The following ABCB11 variants were observed in gnomAD, a reference collection of about 807,000 sequenced individuals.
ABCB11 encodes bile salt export pump.
Under a neutral mutation model 148.0 loss-of-function variants are expected in ABCB11, and 95 were observed. The observed-to-expected ratio is 0.64, with a 90% confidence interval of 0.54 to 0.76. ABCB11 has a LOEUF of 0.76. Ranked by LOEUF, ABCB11 falls within the 30% of genes least tolerant of loss-of-function variation. The pLI is 0.00. For missense variants in ABCB11, 1,523 were observed against 1,617.8 expected (o/e 0.94, Z 1.01); for synonymous variants, 591 against 555.4 (o/e 1.06, Z -0.90).
chr2:168,972,122 C>T (rs1693610709), intron 13 of ABCB11, 72 bp from the exon 14 acceptor site: 7 of 1,415,166 alleles, frequency 4.9e-6, no homozygotes, highest in South Asian at 1.2e-5. Flanking sequence ...TTATGTCATA[C>T]TTGACCAATG....
At chr2:168,941,219 C>A (rs1345789194) in intron 21 of ABCB11, among the ~76,000 whole-genome samples, 1 of 151,890 alleles carries the variant, frequency 6.6e-6, no homozygotes, top group Non-Finnish European at 1.5e-5. Flanking sequence ...AAATTGAAAA[C>A]CCTCTGGAAA....
At chr2:168,974,689 A>G (rs1693736413) in intron 12 of ABCB11, among the ~76,000 whole-genome samples, 1 of 152,006 alleles carries the variant, frequency 6.6e-6, no homozygotes, top group Non-Finnish European at 1.5e-5. Context: ...GAATAAATAC[A>G]TATAGGTTTA....
chr2:168,943,016 T>C (rs1692137253), intron 21 of ABCB11, among the ~76,000 whole-genome samples: 1 of 151,976 alleles, frequency 6.6e-6, no homozygotes, highest in Non-Finnish European at 1.5e-5. Flanking sequence ...TGACCTGGGC[T>C]AGCAATCTTA....
At chr2:168,993,654 T>C in intron 8 of ABCB11, 57 bp downstream of exon 8, 1 of 1,507,102 alleles carries the variant, frequency 6.6e-7, no homozygotes, top group South Asian at 1.2e-5. Flanking sequence ...TTCACATTTT[T>C]GGCTGTTTAT....
intron 19 of ABCB11, among the ~76,000 whole-genome samples, chr2:168,946,792 A>G (rs1692343283): frequency 6.6e-6 from 1 of 151,768 alleles, no homozygotes; most frequent in African/African-American, 2.4e-5. Flanking sequence ...ACTAGATAAG[A>G]AAATGCCTGT....
At chr2:168,986,878 A>C (rs1461553893) in intron 9 of ABCB11, among the ~76,000 whole-genome samples, 1 of 152,144 alleles carries the variant, frequency 6.6e-6, no homozygotes, top group Non-Finnish European at 1.5e-5. Flanking sequence ...AGCCATTAAC[A>C]ATGGGCTTTG....
At chr2:168,965,332 C>A (rs1406456000) in intron 17 of ABCB11, among the ~76,000 whole-genome samples, 1 of 151,718 alleles carries the variant, frequency 6.6e-6, no homozygotes, top group Non-Finnish European at 1.5e-5. Context: ...GAAGGAGGCC[C>A]CCATTCTCCT....
intron 21 of ABCB11, among the ~76,000 whole-genome samples, chr2:168,943,547 C>A (rs910674598): frequency 6.6e-6 from 1 of 151,910 alleles, no homozygotes; most frequent in Non-Finnish European, 1.5e-5. Context: ...AATATGTTCA[C>A]CTTAGATTAT....
intron 5 of ABCB11, among the ~76,000 whole-genome samples, chr2:169,003,351 T>TGC (rs1553471294): frequency 2.5e-4 from 36 of 145,640 alleles, no homozygotes; most frequent in African/African-American, 7.8e-4. Context: ...TGTGTGTGCA[T>TGC]ATATATATAT....
In ABCB11 at chr2:168,968,503, G is replaced by A; in HGVS notation, c.2012-13C>T. ...TCTTCAGTTGCATCTACTCAACACA[G>A]CATGAGCAATTTTTTAGTATATACA... On this transcript the variant is annotated splice_polypyrimidine_tract_variant and intron_variant, in intron 16 of 27. Transcript: ENST00000650372. 6.2e-7 allele frequency: 1 copy of A among 1,605,152 alleles called. No homozygotes were observed. The highest frequency in any genetic ancestry group is 8.5e-7 in the Non-Finnish European group (1 of 1,174,432).
At position 168,996,674 on chromosome 2, in the gene ABCB11, A is replaced by G. The variant is rs981747621; in HGVS notation, c.438T>C (p.Ala146=). The change falls in exon 6 of 28, where the codon GCT becomes GCC. Residue 146 remains alanine (A), a synonymous_variant. Transcript: ENST00000650372. The part of the protein sequence containing the change: ...SEMIKFASYY[A]GIAVAVLITG... The stretch of plus-strand genomic sequence containing the variant: ...TGATAAGTACTGCGACAGCAATTCC[A>G]GCATAGTAACTGGCAAATTTGATCA... 18 of 1,574,052 alleles carry G rather than the reference A, an allele frequency of 1.1e-5. No homozygotes were observed. Among genetic ancestry groups the G allele is most frequent in the Non-Finnish European group, 1.6e-5 (18 of 1,157,596 alleles).
At position 168,957,992 on chromosome 2, in the gene ABCB11, T is replaced by C. The variant is rs1234794803; in HGVS notation, c.2315A>G (p.Tyr772Cys). ...AAVNGTVTPL[Y>C]AFLFSQILGT... is the part of the protein sequence containing the mutation. ...AAGAATCTGGCTGAATAAAAAGGCA[T>C]ACAAGGGTGTGACTGTCCCGTTCAC... is the stretch of plus-strand genomic sequence containing the variant. The change falls in exon 19 of 28, where the codon TAT (tyrosine) becomes TGT (cysteine). Residue 772 changes from tyrosine to cysteine, a missense_variant. Tyr to Cys is a radical substitution (Grantham distance 194). Transcript: ENST00000650372. The C allele has an allele frequency of 6.2e-7, 1 of 1,600,426 alleles. No individual in the cohort carries two copies. Among genetic ancestry groups the C allele is most frequent in the Non-Finnish European group, 8.5e-7 (1 of 1,169,942 alleles).
rs140203208 is a variant in ABCB11, at chr2:168,991,433, T to C, written c.784-508A>G. Among the ~76,000 whole-genome samples, 355 of 152,268 alleles carry C rather than the reference T, an allele frequency of 2.3e-3. 2 individuals are homozygous for C. Among genetic ancestry groups the C allele is most frequent in the African/African-American group, 8.1e-3 (336 of 41,560 alleles). ...TCACTCAGTTGGAGACGCTCAACTA[T>C]GTAGTTTTGATTTTTACAAAAGGAA... On this transcript the variant is annotated intron_variant, in intron 8 of 27. Transcript: ENST00000650372.
rs565525851 is a variant in ABCB11, at chr2:168,934,360, C to T, written c.3056+824G>A. On this transcript the variant is annotated intron_variant, in intron 23 of 27. Coordinates refer to ENST00000650372, the MANE Select transcript of ABCB11 (RefSeq NM_003742.4). ...CTATAGGACCACTTTTCCTAATGCC[C>T]TCCAAACCTTTCTCAGACCATCTCC... Among the ~76,000 whole-genome samples the T allele has an allele frequency of 7.2e-5, 11 of 152,206 alleles. 1 individual carries two copies. Among genetic ancestry groups the T allele is most frequent in the African/African-American group, 2.6e-4 (11 of 41,534 alleles).
At chr2:168,918,885 T>C (rs1301313303), downstream of ABCB11, among the ~76,000 whole-genome samples, 1 of 152,234 alleles carries the variant, frequency 6.6e-6, no homozygotes, top group East Asian at 1.9e-4. Context: ...ATTGTTTTAA[T>C]TTTTGTAACT....
chr2:169,027,216 T>C lies in ABCB11; in HGVS notation c.-28+4009A>G, dbSNP rs190560748. On this transcript the variant is annotated intron_variant, in intron 1 of 27. Coordinates refer to ENST00000650372, the MANE Select transcript of ABCB11 (RefSeq NM_003742.4). Reference sequence around the variant, plus strand: ...ATTTTCAAGGCATTCCAGAAAAATGTATTTTCCAATAAACTTAAGGGAATC... The same window carrying C: ...ATTTTCAAGGCATTCCAGAAAAATGCATTTTCCAATAAACTTAAGGGAATC... Among the ~76,000 whole-genome samples, 149 of 152,314 alleles carry C rather than the reference T, an allele frequency of 9.8e-4. 1 individual carries two copies. Among genetic ancestry groups the C allele is most frequent in the Admixed American group, 9.7e-3 (148 of 15,298 alleles).
chr2:168,946,367 T>C (rs1692307943), intron 19 of ABCB11, among the ~76,000 whole-genome samples: 1 of 151,882 alleles, frequency 6.6e-6, no homozygotes, highest in African/African-American at 2.4e-5. Flanking sequence ...AAATCCTTTT[T>C]TTTGTAAAGC....
At chr2:168,916,731 C>T (rs1228929776), downstream of ABCB11, among the ~76,000 whole-genome samples, 1 of 152,164 alleles carries the variant, frequency 6.6e-6, no homozygotes, top group Admixed American at 6.5e-5. Context: ...GGACACAGTG[C>T]TCATTTTATG....
At chr2:168,919,024 G>T (rs894858850), downstream of ABCB11, among the ~76,000 whole-genome samples, 4 of 145,392 alleles carry the variant, frequency 2.8e-5, no homozygotes, top group African/African-American at 1.1e-4. Flanking sequence ...TGTTTTTATT[G>T]TAAAACATCT....
Sources: gnomAD v4.1 joint callset for allele counts (sites outside exome capture counted in the v4.1 genomes callset) on GRCh38, gnomAD v4.1.1 for gene constraint, MANE v1.5 for transcripts, NCBI Gene and HGNC (gene_info 2026-07-23, HGNC 2026-07-21) for gene names.